LYAR: variants seen among roughly 807,000 people sequenced by gnomAD.
LYAR encodes the protein Ly1 antibody reactive.
In LYAR, 37 loss-of-function variants were observed where a neutral mutation model predicts 45.2. The observed-to-expected ratio is 0.82, with a 90% CI of 0.63 to 1.08. The LOEUF is 1.08. LYAR is among the 50% of genes least tolerant of loss of function. LYAR has a pLI of 0.00. For synonymous variants in LYAR, 176 were observed against 155.1 expected (o/e 1.14, Z -1.00); for missense variants, 493 against 451.0 (o/e 1.09, Z -0.84).
chr4:4,276,599 G>A (rs562996670), intron 6 of LYAR, among the ~76,000 whole-genome samples: 4 of 150,354 alleles, frequency 2.7e-5, no homozygotes, highest in Admixed American at 6.7e-5. Context: ...GCTCATGCTT[G>A]TAATCCCAGC....
intron 3 of LYAR, 113 bp downstream of exon 3, chr4:4,283,508 A>T: frequency 9.0e-7 from 1 of 1,117,064 alleles, no homozygotes; most frequent in Non-Finnish European, 1.3e-6. Context: ...ACCAGTTTTT[A>T]GTCTTAATTT....
At chr4:4,271,014 CA>C (rs1718909520) in intron 8 of LYAR, among the ~76,000 whole-genome samples, 1 of 152,148 alleles carries the variant, frequency 6.6e-6, no homozygotes, top group South Asian at 2.1e-4. Flanking sequence ...TTTTGTGTTA[CA>C]AACAATCCAA....
At chr4:4,288,858 C>T (rs1719734081) in intron 1 of LYAR, among the ~76,000 whole-genome samples, 1 of 152,224 alleles carries the variant, frequency 6.6e-6, no homozygotes, top group South Asian at 2.1e-4. Flanking sequence ...CACTACCACT[C>T]AAACAGCCCA....
intron 6 of LYAR, among the ~76,000 whole-genome samples, chr4:4,275,561 C>T (rs573876614): frequency 6.6e-6 from 1 of 151,978 alleles, no homozygotes; most frequent in Non-Finnish European, 1.5e-5. Flanking sequence ...ACGCCTGCCT[C>T]AGACTCCCAA....
At chr4:4,287,395 C>CAG (rs761463121) in intron 1 of LYAR, among the ~76,000 whole-genome samples, 89 of 152,210 alleles carry the variant, frequency 5.8e-4, no homozygotes, top group Non-Finnish European at 1.5e-4. Context: ...CACGCAGGTC[C>CAG]TCTGCGTGTG....
At chr4:4,280,991 C>A (rs560405393) in intron 4 of LYAR, among the ~76,000 whole-genome samples, 17 of 152,332 alleles carry the variant, frequency 1.1e-4, no homozygotes, top group Non-Finnish European at 1.9e-4. Flanking sequence ...AGTTATACTT[C>A]CCAGTGAATT....
chr4:4,278,631 C>G (rs1719282397), intron 6 of LYAR, among the ~76,000 whole-genome samples: 1 of 152,216 alleles, frequency 6.6e-6, no homozygotes, highest in South Asian at 2.1e-4. Context: ...TTTATTTTCC[C>G]TCATGCACCA....
At chr4:4,277,307 A>G (rs1719220785) in intron 6 of LYAR, among the ~76,000 whole-genome samples, 4 of 152,136 alleles carry the variant, frequency 2.6e-5, no homozygotes, top group East Asian at 1.9e-4. Flanking sequence ...TCAGCCTCCC[A>G]AAGTGCTGGG....
intron 9 of LYAR, among the ~76,000 whole-genome samples, chr4:4,268,269 A>G (rs1440218618): frequency 1.3e-5 from 2 of 149,224 alleles, no homozygotes; most frequent in East Asian, 3.8e-4. Flanking sequence ...TAGGCAAAAG[A>G]GAGCAAATAT....
chr4:4,282,032 T>C lies in LYAR; in HGVS notation c.123-135A>G, dbSNP rs1041361312. On this transcript the variant is annotated intron_variant, in intron 3 of 9. Coordinates refer to ENST00000343470, the MANE Select transcript of LYAR (RefSeq NM_017816.3). ...GTCTATCACACAAGCACCCCATCTA[T>C]TTCACTTATTATGTTTACAGCCTCC... 5 of 594,330 alleles carry C rather than the reference T, an allele frequency of 8.4e-6. No homozygotes were observed. In the Admixed American group the frequency reaches 1.4e-4, roughly 16 times the overall value. 36.8% of individuals were successfully genotyped at this position (594,330 alleles called of 1,614,324 possible). A position where few individuals can be genotyped will look rare whatever the true frequency, so the allele number is the denominator to read the frequency against.
At chr4:4,283,199 G>A (rs1177370493) in intron 3 of LYAR, among the ~76,000 whole-genome samples, 2 of 152,216 alleles carry the variant, frequency 1.3e-5, no homozygotes, top group Non-Finnish European at 2.9e-5. Context: ...TGCCCAGGCT[G>A]GAGTGCAGTG....
intron 8 of LYAR, chr4:4,268,925 T>A (rs1227623476): frequency 4.6e-6 from 1 of 218,110 alleles, no homozygotes; most frequent in African/African-American, 2.3e-5. Context: ...GGGCTGTCCA[T>A]GCACAGTAGG....
At chr4:4,272,834 T>A (rs1244745065) in intron 8 of LYAR, among the ~76,000 whole-genome samples, 1 of 152,158 alleles carries the variant, frequency 6.6e-6, no homozygotes, top group African/African-American at 2.4e-5. Flanking sequence ...GCAGGCCCAT[T>A]TGAGTCTTTG....
intron 7 of LYAR, 52 bp downstream of exon 7, chr4:4,274,315 C>G (rs1719084638): frequency 6.4e-7 from 1 of 1,563,186 alleles, no homozygotes; most frequent in African/African-American, 1.4e-5. Flanking sequence ...ATCCCAAATT[C>G]ACAGCTTTCC....
chr4:4,283,590 T>A, intron 3 of LYAR, 31 bp downstream of exon 3: 1 of 1,597,288 alleles, frequency 6.3e-7, no homozygotes, highest in African/African-American at 1.3e-5. Context: ...CTGGATTTAC[T>A]ATGGATCTAC....
intron 4 of LYAR, 110 bp from the exon 5 acceptor site, chr4:4,279,859 C>G: frequency 1.5e-6 from 1 of 671,042 alleles, no homozygotes; most frequent in Non-Finnish European, 2.6e-6. Flanking sequence ...CGTTTTAAGC[C>G]CAGATTCTGT....
chr4:4,273,605 T>C lies in LYAR; in HGVS notation c.897A>G (p.Glu299=). The change falls in exon 8 of 10, where the codon GAA becomes GAG. Residue 299 remains glutamate, a synonymous_variant. Coordinates refer to ENST00000343470, the MANE Select transcript of LYAR (RefSeq NM_017816.3). Reference sequence around the variant, plus strand: ...TACCTTTTGCAGGAGCCTCATCGTCTTCTGGTTCTCCGCCCTCAGGATGCT... The same window carrying C: ...TACCTTTTGCAGGAGCCTCATCGTCCTCTGGTTCTCCGCCCTCAGGATGCT... ...LPEHPEGGEP[E]DDEAPAKGKF... 3.1e-6 allele frequency: 5 copies of C among 1,613,636 alleles called. No individual in the cohort carries two copies. The highest frequency in any genetic ancestry group is 4.2e-6 in the Non-Finnish European group (5 of 1,179,602).
chr4:4,276,801 G>A (rs535939553), intron 6 of LYAR, among the ~76,000 whole-genome samples: 1 of 152,016 alleles, frequency 6.6e-6, no homozygotes, highest in Non-Finnish European at 1.5e-5. Flanking sequence ...AGGTTGCTGT[G>A]AGCCAAGATC....
At chr4:4,278,016 A>G (rs758343948) in intron 6 of LYAR, among the ~76,000 whole-genome samples, 1 of 152,220 alleles carries the variant, frequency 6.6e-6, no homozygotes, top group Non-Finnish European at 1.5e-5. Context: ...TTAATGTTTA[A>G]TATGTTCACA....
Sources: allele counts gnomAD v4.1 joint callset (sites outside exome capture counted in the v4.1 genomes callset), GRCh38; gene constraint gnomAD v4.1.1; transcripts MANE v1.5; gene names NCBI Gene and HGNC (gene_info 2026-07-23, HGNC 2026-07-21).